The following DACT2 variants were observed in gnomAD, a reference collection of about 807,000 sequenced individuals.
DACT2 encodes the protein dapper homolog 2.
In DACT2, 20 loss-of-function variants were observed where a neutral mutation model predicts 22.2. The ratio of observed to expected loss-of-function variants is 0.90; its 90% CI spans 0.63 to 1.31. The LOEUF (loss-of-function observed/expected upper bound fraction) is 1.31. Ranked by LOEUF, DACT2 falls within the 50% of genes most tolerant of loss-of-function variation. The probability of loss-of-function intolerance (pLI) is 0.00; values close to 1 mark genes in which losing one functional copy is unlikely to be tolerated. For synonymous variants in DACT2, 463 were observed against 479.8 expected (o/e 0.96, Z 0.46); for missense variants, 1,048 against 1,061.4 (o/e 0.99, Z 0.18).
At chr6:168,309,191 G>T in intron 3 of DACT2, 93 bp from the exon 4 acceptor site, 12 of 1,435,770 alleles carry the variant, frequency 8.4e-6, no homozygotes, top group Non-Finnish European at 1.1e-5. Flanking sequence ...GGATGGAAAC[G>T]CTGCTCATTC....
chr6:168,319,607 C>T lies in DACT2; in HGVS notation c.27G>A (p.Gly9=), dbSNP rs1779598602. 3.0e-6 allele frequency: 4 copies of T among 1,318,428 alleles called. No homozygotes were observed. The highest frequency in any genetic ancestry group is 7.0e-5 in the Admixed American group (2 of 28,508). 81.7% of individuals were successfully genotyped at this position (1,318,428 alleles called of 1,614,324 possible). The part of the protein sequence containing the change: MWTPGGPP[G]SAGWDRRRLG... ...ACCTACGGCGGTCCCAGCCCGCGGA[C>T]CCCGGGGGTCCGCCCGGCGTCCACA... is the stretch of plus-strand genomic sequence containing the variant. The change falls in exon 1 of 4, where the codon GGG becomes GGA. Residue 9 remains glycine, a synonymous_variant. Transcript: ENST00000366795.
rs116691493 is a variant in DACT2, at chr6:168,297,508, G to A, written c.659-2804C>T. On this transcript the variant is annotated intron_variant, in intron 3 of 5. Transcript: ENST00000366796. ...CACTGGCTTCTAGAAGCTGCAAAAG[G>A]CAAAGAAACAGCTTCTTCCCTAGAA... 5.9e-3 allele frequency among the ~76,000 whole-genome samples: 896 copies of A among 152,298 alleles called. 6 individuals carry two copies. The highest frequency in any genetic ancestry group is 0.021 in the African/African-American group (863 of 41,566).
chr6:168,297,227 C>T (rs949486558), intron 3 of DACT2, among the ~76,000 whole-genome samples: 14 of 152,162 alleles, frequency 9.2e-5, no homozygotes, highest in African/African-American at 1.4e-4. Flanking sequence ...GAGATGTCCG[C>T]GTCCTAATCC....
In DACT2 at chr6:168,294,163, G is replaced by A. The variant is rs1355330076; in HGVS notation, c.765C>T (p.Leu255=). 4 of 703,014 alleles carry A rather than the reference G, an allele frequency of 5.7e-6. No homozygotes were observed. In the East Asian group the frequency reaches 1.1e-4, roughly 19 times the overall value. The allele number at this position is 703,014 out of a possible 1,614,324, so 43.5% of individuals were successfully genotyped here. Residue 255 remains leucine, a synonymous_variant, in exon 5 of 6, where the codon CTC becomes CTT. Transcript: ENST00000366796. ...AGCAGAAAGGGAGCTGACAGCCACA[G>A]AGGCCACACTTTCCTCTCAAACCAG...
chr6:168,311,862 C>T (rs180798599), intron 1 of DACT2, among the ~76,000 whole-genome samples: 63 of 152,322 alleles, frequency 4.1e-4, no homozygotes, highest in African/African-American at 1.4e-3. Context: ...TGTTTTGCTG[C>T]GTTTTTCAGC....
Position 168,319,765 on chromosome 6 carries a change from T to C in DACT2, c.-132A>G, listed in dbSNP as rs1161803260. 7 of 1,170,100 alleles carry C rather than the reference T, an allele frequency of 6.0e-6. No individual in the cohort carries two copies. Among genetic ancestry groups the C allele is most frequent in the Non-Finnish European group, 7.4e-6 (7 of 947,784 alleles). The allele number at this position is 1,170,100 out of a possible 1,614,324, so 72.5% of individuals were successfully genotyped here. On this transcript the variant is annotated 5_prime_UTR_variant, in exon 1 of 4. Transcript: ENST00000366795. ...CCCCCGGCTCCGCAGGTCGCCAAGG[T>C]GGGCTGGAATCTGTGGCCAGGCGCG...
chr6:168,311,030 T>C (rs1779384667), intron 2 of DACT2, 122 bp downstream of exon 2: 1 of 1,321,888 alleles, frequency 7.6e-7, no homozygotes, highest in Non-Finnish European at 9.9e-7. Flanking sequence ...GCCATCTCCC[T>C]GCACGGACAC....
intron 3 of DACT2, among the ~76,000 whole-genome samples, chr6:168,309,407 A>AGGGCCGTTTGCGTGTAGACACAGGGGGCG (rs1779332036): frequency 1.5e-5 from 1 of 66,700 alleles, no homozygotes; most frequent in Non-Finnish European, 2.9e-5. Context: ...GACACCGCAC[A>AGGGCCGTTTGCGTGTAGACACAGGGGGCG]GGGCCGTTTG....
exon 6 of DACT2, chr6:168,292,924 G>A: frequency 6.6e-6 from 1 of 152,160 alleles, no homozygotes. Context: ...AAAACCAGAT[G>A]TGAGTATTAT....
downstream of DACT2, among the ~76,000 whole-genome samples, chr6:168,304,185 G>A (rs7740368): frequency 0.17 from 26,363 of 152,050 alleles, 3,085 homozygotes; most frequent in African/African-American, 0.34. Flanking sequence ...CAAATGACAG[G>A]CCACGCTCTG....
chr6:168,302,709 C>A (rs1055494061), downstream of DACT2, among the ~76,000 whole-genome samples: 4 of 152,222 alleles, frequency 2.6e-5, no homozygotes, highest in Non-Finnish European at 5.9e-5. Flanking sequence ...TTCCTGTCTG[C>A]ACCGCCCAAC....
rs1583299124 is a variant in DACT2, at chr6:168,310,299, G to A, written c.527C>T (p.Pro176Leu). The change falls in exon 3 of 4, where the codon CCC (proline) becomes CTC (leucine). Residue 176 changes from proline to leucine, a missense_variant. By Grantham distance (98) the Pro-to-Leu change is moderately conservative. Transcript: ENST00000366795. ...CACAGTAGTCTCATCAACCGACCGG[G>A]GCCTCCAGTCCCCCATGCTGGGCCT... ...KARPSMGDWR[P>L]RSVDETTVPA... 6.4e-7 allele frequency: 1 copy of A among 1,551,464 alleles called. No individual in the cohort carries two copies. The highest frequency in any genetic ancestry group is 1.2e-5 in the South Asian group (1 of 84,054).
intron 1 of DACT2, 24 bp from the exon 2 acceptor site, chr6:168,311,308 G>A (rs997782345): frequency 3.3e-6 from 5 of 1,532,864 alleles, no homozygotes; most frequent in African/African-American, 2.7e-5. Flanking sequence ...GAAGAGAAAG[G>A]GAACTGTTGT....
downstream of DACT2, among the ~76,000 whole-genome samples, chr6:168,303,416 C>T (rs975633511): frequency 4.6e-5 from 7 of 152,206 alleles, no homozygotes; most frequent in African/African-American, 7.2e-5. Context: ...AGTGAGTTCT[C>T]GCTCTGGCGG....
chr6:168,293,080 G>A (rs768067312), exon 6 of DACT2: 1 of 152,206 alleles, frequency 6.6e-6, no homozygotes, highest in Non-Finnish European at 1.5e-5. Context: ...ATTCGTCTGA[G>A]GTCGGGGTGG....
exon 6 of DACT2, chr6:168,293,769 G>C (rs1454083848): frequency 2.4e-5 from 16 of 678,440 alleles, no homozygotes; most frequent in Admixed American, 2.0e-4. Context: ...GGGGAAAGCA[G>C]AGTGACTTGG....
Position 168,307,116 on chromosome 6 carries a change from A to G in DACT2, c.*316T>C. 8.7e-7 allele frequency: 1 copy of G among 1,145,320 alleles called. No homozygotes were observed. Among genetic ancestry groups the G allele is most frequent in the Non-Finnish European group, 1.1e-6 (1 of 930,336 alleles). 70.9% of individuals were successfully genotyped at this position (1,145,320 alleles called of 1,614,324 possible). A position where few individuals can be genotyped will look rare whatever the true frequency, so the allele number is the denominator to read the frequency against. On this transcript the variant is annotated 3_prime_UTR_variant, in exon 4 of 4. Transcript: ENST00000366795. This position sits in a 1 kb window ranked among gnomAD's most constrained non-coding sequence, Gnocchi z 5.3. ...GAGGGGAGTGAGGGCAGGGGAAGCC[A>G]TGGGAGGATGACAACATGGAAACAA...
rs1456387796 is a variant in DACT2, at chr6:168,308,717, G to A, written c.1040C>T (p.Ala347Val). The A allele has an allele frequency of 1.3e-6, 2 of 1,549,738 alleles. No homozygotes were observed. Among genetic ancestry groups the A allele is most frequent in the Non-Finnish European group, 1.7e-6 (2 of 1,146,908 alleles). ...TCCCTGTTCTCCCTCGCTACCCTTT[G>A]CTGGGGTCTCCCGGCCCCACAGATG... ...LLHLWGRETP[A>V]KGSEGEQGPL... The change falls in exon 4 of 4, where the codon GCA becomes GTA. Residue 347 changes from alanine (A) to valine (V), a missense_variant. By Grantham distance (64) the Ala-to-Val change is moderately conservative. Transcript: ENST00000366795.
chr6:168,309,008 T>C lies in DACT2; in HGVS notation c.749A>G (p.Asp250Gly). 6.5e-7 allele frequency: 1 copy of C among 1,548,480 alleles called. No homozygotes were observed. Among genetic ancestry groups the C allele is most frequent in the Non-Finnish European group, 8.7e-7 (1 of 1,146,960 alleles). The change falls in exon 4 of 4, where the codon GAT becomes GGT. Residue 250 changes from aspartate to glycine, a missense_variant. Asp to Gly is a moderately conservative substitution (Grantham distance 94). Coordinates refer to ENST00000366795, the MANE Select transcript of DACT2 (RefSeq NM_214462.5). The part of the protein sequence containing the change: ...ELLGLLCQGV[D>G]IPLHVPDPKY... Reference sequence around the variant, plus strand: ...GGGGTCCGGCACGTGCAGCGGGATATCCACCCCCTGGCAGAGGAGCCCGAG... The same window carrying C: ...GGGGTCCGGCACGTGCAGCGGGATACCCACCCCCTGGCAGAGGAGCCCGAG...
Sources: allele counts gnomAD v4.1 joint callset (sites outside exome capture counted in the v4.1 genomes callset), GRCh38; gene constraint gnomAD v4.1.1; non-coding constraint Gnocchi (gnomAD v3.1); transcripts MANE v1.5; gene names NCBI Gene and HGNC (gene_info 2026-07-23, HGNC 2026-07-21).